The following NCOA1 variants were observed in gnomAD, a reference collection of about 807,000 sequenced individuals.
The protein encoded by NCOA1 is Hin-2 protein.
NCOA1 carries 35 observed loss-of-function variants against 150.9 expected under a neutral mutation model. The observed-to-expected ratio is 0.23, with a 90% CI of 0.18 to 0.31. The LOEUF (loss-of-function observed/expected upper bound fraction) is 0.31, where lower values mean the gene tolerates loss of function less well. Ranked by LOEUF, NCOA1 falls within the 10% of genes least tolerant of loss-of-function variation. NCOA1 has a pLI of 1.00. For synonymous variants in NCOA1, 590 were observed against 630.0 expected, an observed-to-expected ratio of 0.94 and a Z score of 0.95; for missense variants, 1,491 against 1,749.3, an observed-to-expected ratio of 0.85 and a Z score of 2.63.
intron 6 of NCOA1, 98 bp downstream of exon 6, chr2:24,666,013 TA>T (rs1558886195): frequency 2.0e-5 from 15 of 740,406 alleles, no homozygotes; most frequent in Non-Finnish European, 2.3e-5. Flanking sequence ...ATTATTTTAT[TA>T]TTATTATTAT....
intron 1 of NCOA1, among the ~76,000 whole-genome samples, chr2:24,530,679 A>G (rs1664845359): frequency 6.6e-6 from 1 of 152,210 alleles, no homozygotes; most frequent in Admixed American, 6.5e-5. Flanking sequence ...TTAGTACTTT[A>G]AAATGGCAAA....
intron 14 of NCOA1, 54 bp downstream of exon 14, chr2:24,711,165 G>A: frequency 6.6e-7 from 1 of 1,522,038 alleles, no homozygotes; most frequent in South Asian, 1.3e-5. Flanking sequence ...ATGTGGATTA[G>A]CATTTTGTCT....
chr2:24,648,734 C>G (rs1279868247), intron 4 of NCOA1, among the ~76,000 whole-genome samples: 1 of 152,118 alleles, frequency 6.6e-6, no homozygotes, highest in Non-Finnish European at 1.5e-5. Context: ...GACTTTGGTA[C>G]TTCTTCTACC....
intron 5 of NCOA1, among the ~76,000 whole-genome samples, chr2:24,665,193 T>C (rs1347889215): frequency 6.6e-6 from 1 of 152,238 alleles, no homozygotes; most frequent in Non-Finnish European, 1.5e-5. Flanking sequence ...CATTGTTCAC[T>C]GTACCTTCGT....
intron 7 of NCOA1, 136 bp from the exon 8 acceptor site, chr2:24,682,815 C>CA (rs55860996): frequency 0.91 from 578,095 of 636,700 alleles, 263,418 homozygotes; most frequent in East Asian, 0.99. Flanking sequence ...CTCTCTCCTG[C>CA]GTATCACAAT....
chr2:24,706,360 A>G (rs562796743), intron 12 of NCOA1, among the ~76,000 whole-genome samples: 5 of 152,208 alleles, frequency 3.3e-5, no homozygotes, highest in Middle Eastern at 3.4e-3. Context: ...GATAAGCATT[A>G]TTTCTTATTA....
At chr2:24,549,498 TCTC>T (rs759827633) in intron 1 of NCOA1, among the ~76,000 whole-genome samples, 2 of 152,176 alleles carry the variant, frequency 1.3e-5, no homozygotes, top group Non-Finnish European at 2.9e-5. Context: ...CAGTTTGAAT[TCTC>T]CTCAGAAAAT....
chr2:24,510,135 C>T (rs952323569), intron 1 of NCOA1, among the ~76,000 whole-genome samples: 8 of 152,300 alleles, frequency 5.3e-5, no homozygotes, highest in African/African-American at 9.6e-5. Flanking sequence ...CTGCAACCTA[C>T]GCCACCCGGG....
chr2:24,547,493 T>C (rs1481315486), intron 1 of NCOA1, among the ~76,000 whole-genome samples: 1 of 152,222 alleles, frequency 6.6e-6, no homozygotes, highest in Admixed American at 6.5e-5. Context: ...GACGTGTCCA[T>C]ATTTTTTTAA....
intron 4 of NCOA1, among the ~76,000 whole-genome samples, chr2:24,654,519 C>T (rs1044359312): frequency 2.6e-5 from 4 of 152,084 alleles, no homozygotes; most frequent in African/African-American, 9.7e-5. Flanking sequence ...CATTCAGATA[C>T]CAAATTACTA....
chr2:24,739,005 C>A (rs1371039052), intron 17 of NCOA1, among the ~76,000 whole-genome samples: 3 of 152,208 alleles, frequency 2.0e-5, no homozygotes, highest in African/African-American at 7.2e-5. Flanking sequence ...ACTTTCCCTT[C>A]ATCTTCCAGA....
Position 24,707,308 on chromosome 2 carries a change from T to C in NCOA1, c.1838T>C (p.Leu613Pro), listed in dbSNP as rs747995961. 2 of 1,614,228 alleles carry C rather than the reference T, an allele frequency of 1.2e-6. No homozygotes were observed. Among genetic ancestry groups the C allele is most frequent in the Admixed American group, 1.7e-5 (1 of 60,032 alleles). The change falls in exon 13 of 23, where the codon CTG becomes CCG. Residue 613 changes from leucine to proline, a missense_variant. This residue lies in a region of NCOA1 where 703 missense variants were observed against 717.7 expected (regional missense o/e 0.98). Coordinates refer to ENST00000348332, the MANE Select transcript of NCOA1 (RefSeq NM_003743.5). ...SDGKPLDSGL[L>P]HNNDRLSDGD... ...GGCAAACCTCTGGATTCAGGGCTTCTGCATAACAATGACAGACTTTCAGAT... is the reference window on the plus strand; with the variant it reads ...GGCAAACCTCTGGATTCAGGGCTTCCGCATAACAATGACAGACTTTCAGAT...
rs548546730 is a variant in NCOA1 at position 24,511,778 on chromosome 2, G to A, written c.-396+20176G>A. ...CTTCTTATGCTTTTGGTGCCATATT[G>A]AAGAAACCATTGTCTAATCCAAGGT... On this transcript the variant is annotated intron_variant, in intron 1 of 22. Transcript: ENST00000348332. 8.6e-5 allele frequency among the ~76,000 whole-genome samples: 13 copies of A among 151,882 alleles called. No individual in the cohort carries two copies. In the South Asian group the frequency reaches 2.7e-3, roughly 32 times the overall value.
At chr2:24,753,782 C>T (rs1421769042) in intron 20 of NCOA1, among the ~76,000 whole-genome samples, 2 of 152,122 alleles carry the variant, frequency 1.3e-5, no homozygotes, top group South Asian at 2.1e-4. Context: ...CCTTTGGTTG[C>T]ATCACCCATC....
chr2:24,639,167 A>G (rs550565836), intron 3 of NCOA1, among the ~76,000 whole-genome samples: 20 of 152,246 alleles, frequency 1.3e-4, no homozygotes, highest in African/African-American at 4.8e-4. Flanking sequence ...TTACTTCCTT[A>G]AATGTTGGAT....
chr2:24,731,604 CAAT>C (rs980516760), intron 17 of NCOA1, among the ~76,000 whole-genome samples: 2 of 150,964 alleles, frequency 1.3e-5, no homozygotes, highest in African/African-American at 2.4e-5. Context: ...GATAGAATAA[CAAT>C]AAAAGGAATA....
intron 2 of NCOA1, 132 bp from the exon 3 acceptor site, chr2:24,584,344 C>T (rs188866439): frequency 1.3e-5 from 2 of 152,170 alleles, no homozygotes; most frequent in East Asian, 1.9e-4. Flanking sequence ...TTAATGAATT[C>T]AGAATAGTAC....
rs1572650831 is a variant in NCOA1, at chr2:24,729,271, G to A, written c.2887-230G>A. Among the ~76,000 whole-genome samples, 3 of 152,106 alleles carry A rather than the reference G, an allele frequency of 2.0e-5. No individual in the cohort carries two copies. The South Asian group carries it at 6.2e-4, about 32-fold the overall frequency. ...CCTTTTAGTTTTATTTCATTGATTTGGAGCCTTTATTTTAACTATATTGCC... is the reference window on the plus strand; with the variant it reads ...CCTTTTAGTTTTATTTCATTGATTTAGAGCCTTTATTTTAACTATATTGCC... On this transcript the variant is annotated intron_variant, in intron 16 of 22. Transcript: ENST00000348332.
chr2:24,655,345 G>GTA (rs1451682500), intron 4 of NCOA1, among the ~76,000 whole-genome samples: 2 of 151,944 alleles, frequency 1.3e-5, no homozygotes, highest in Non-Finnish European at 2.9e-5. Context: ...TAATCTATAT[G>GTA]CTTGTATATA....
Sources: allele counts gnomAD v4.1 joint callset (sites outside exome capture counted in the v4.1 genomes callset), GRCh38; gene constraint gnomAD v4.1.1; regional missense constraint gnomAD v4.1.1; transcripts MANE v1.5; gene names NCBI Gene and HGNC (gene_info 2026-07-23, HGNC 2026-07-21).